RIPOR2: variants seen among roughly 807,000 people sequenced by gnomAD.
RIPOR2 encodes RHO family interacting cell polarization regulator 2.
RIPOR2 carries 39 observed loss-of-function variants against 114.5 expected under a neutral mutation model. The observed-to-expected ratio is 0.34, with a 90% confidence interval of 0.26 to 0.44. The LOEUF is 0.44. RIPOR2 is among the 20% of genes least tolerant of loss of function. The probability of loss-of-function intolerance (pLI) is 1.00; values close to 1 mark genes in which losing one functional copy is unlikely to be tolerated. For missense variants in RIPOR2, 1,007 were observed against 1,255.1 expected, an observed-to-expected ratio of 0.80 and a Z score of 2.99; for synonymous variants, 445 against 484.4, an observed-to-expected ratio of 0.92 and a Z score of 1.07.
intron 1 of RIPOR2, among the ~76,000 whole-genome samples, chr6:24,950,814 G>A (rs572439510): frequency 6.6e-6 from 1 of 152,346 alleles, no homozygotes; most frequent in Admixed American, 6.5e-5. Context: ...GGGGTTGGGT[G>A]CATAGGGTTT....
chr6:24,846,359 T>C (rs1346310670), intron 12 of RIPOR2, among the ~76,000 whole-genome samples: 1 of 142,196 alleles, frequency 7.0e-6, no homozygotes, highest in Non-Finnish European at 1.5e-5. Context: ...CAGACTGGAC[T>C]GCAGTGGTGC....
intron 1 of RIPOR2, among the ~76,000 whole-genome samples, chr6:24,923,539 C>G (rs1186047692): frequency 1.3e-5 from 2 of 152,038 alleles, no homozygotes; most frequent in Non-Finnish European, 1.5e-5. Flanking sequence ...TTTTCTCCCC[C>G]ACAGCAAGTT....
At chr6:25,003,196 C>G (rs925702066) in intron 1 of RIPOR2, among the ~76,000 whole-genome samples, 3 of 152,082 alleles carry the variant, frequency 2.0e-5, no homozygotes, top group African/African-American at 7.2e-5. Context: ...TCTAAGTAAC[C>G]TTTCTCAGAG....
At chr6:25,033,145 A>T (rs1371987202) in intron 1 of RIPOR2, among the ~76,000 whole-genome samples, 2 of 152,086 alleles carry the variant, frequency 1.3e-5, no homozygotes, top group African/African-American at 4.8e-5. Context: ...TCGAGGCTGC[A>T]GTGAGGCTCC....
In RIPOR2 at chr6:24,879,121, C is replaced by T. The variant is rs1215766193; in HGVS notation, c.62-3304G>A. Among the ~76,000 whole-genome samples, 4 of 142,474 alleles carry T rather than the reference C, an allele frequency of 2.8e-5. 1 individual carries two copies. The highest frequency in any genetic ancestry group is 7.0e-5 in the Admixed American group (1 of 14,204). 93.5% of individuals were successfully genotyped at this position (142,474 alleles called of 152,430 possible). On this transcript the variant is annotated intron_variant, in intron 1 of 21. Coordinates refer to ENST00000643898, the MANE Select transcript of RIPOR2 (RefSeq NM_001286445.3). ...TTGGGAGGCCGAGGCAGGTGGATCA[C>T]CTGAGATCAGGAGTTTGAGACCAGC...
rs1766547764 is a variant in RIPOR2, at chr6:24,883,643, C to T, written c.62-7826G>A. ...CAATAAAGCTGTTTAAAAAAAATCA[C>T]TACCAATTTCTAGAAAAAGTCATCA... On this transcript the variant is annotated intron_variant, in intron 1 of 21. Transcript: ENST00000643898. The surrounding 1 kb of genome is among the most constrained non-coding windows in gnomAD (Gnocchi z 4.1). Among the ~76,000 whole-genome samples, 1 of 152,164 alleles carries T rather than the reference C, an allele frequency of 6.6e-6. No individual in the cohort carries two copies. Among genetic ancestry groups the T allele is most frequent in the African/African-American group, 2.4e-5 (1 of 41,424 alleles).
chr6:24,986,062 C>T (rs1774516067), intron 1 of RIPOR2, among the ~76,000 whole-genome samples: 1 of 152,188 alleles, frequency 6.6e-6, no homozygotes, highest in East Asian at 1.9e-4. Context: ...ACTTCTTCCA[C>T]AGAATTCTCT....
chr6:24,926,289 C>T (rs1375883557), intron 1 of RIPOR2, among the ~76,000 whole-genome samples: 1 of 152,150 alleles, frequency 6.6e-6, no homozygotes, highest in Non-Finnish European at 1.5e-5. Flanking sequence ...ATAGGTCCTG[C>T]ATACTGTTAA....
At chr6:24,948,411 G>T (rs771090705) in intron 1 of RIPOR2, 18 of 152,280 alleles carry the variant, frequency 1.2e-4, no homozygotes, top group Non-Finnish European at 2.5e-4. Context: ...ACTATGAAGA[G>T]AACCTCTGAG....
At chr6:24,849,236 C>T (rs1762615736) in intron 11 of RIPOR2, among the ~76,000 whole-genome samples, 2 of 152,180 alleles carry the variant, frequency 1.3e-5, no homozygotes, top group South Asian at 2.1e-4. Flanking sequence ...CATGACCTTT[C>T]TCACCGGGTG....
chr6:25,000,280 C>T (rs569601612), intron 1 of RIPOR2, among the ~76,000 whole-genome samples: 3 of 152,308 alleles, frequency 2.0e-5, no homozygotes, highest in African/African-American at 7.2e-5. Context: ...TTCATGTTAG[C>T]TCTGTAGCAC....
intron 1 of RIPOR2, among the ~76,000 whole-genome samples, chr6:24,968,146 T>C (rs1025014571): frequency 6.6e-6 from 1 of 152,142 alleles, no homozygotes; most frequent in African/African-American, 2.4e-5. Context: ...CCTCAGATGA[T>C]CTGCCCGCCT....
At chr6:24,863,622 G>T (rs937523873) in intron 7 of RIPOR2, among the ~76,000 whole-genome samples, 1 of 152,198 alleles carries the variant, frequency 6.6e-6, no homozygotes, top group Non-Finnish European at 1.5e-5. Flanking sequence ...AGGGTGGGAA[G>T]AGTCAGATCT....
chr6:25,005,738 T>TACACATAC (rs1554130559), intron 1 of RIPOR2, among the ~76,000 whole-genome samples: 13 of 70,700 alleles, frequency 1.8e-4, no homozygotes, highest in Admixed American at 8.0e-4. Context: ...TATATATATA[T>TACACATAC]ATACATTTAC....
intron 1 of RIPOR2, among the ~76,000 whole-genome samples, chr6:24,986,147 G>A (rs112671686): frequency 2.0e-5 from 3 of 152,302 alleles, no homozygotes; most frequent in African/African-American, 7.2e-5. Context: ...ACTGGGCCCT[G>A]TTTTAAGGCT....
chr6:24,830,758 C>G, intron 16 of RIPOR2, 88 bp from the exon 17 acceptor site: 1 of 1,356,550 alleles, frequency 7.4e-7, no homozygotes, highest in South Asian at 1.5e-5. Context: ...CTTTGTTACC[C>G]AGGCTGGAGT....
chr6:24,958,384 G>T lies in RIPOR2; in HGVS notation c.77-82567C>A, dbSNP rs7774462. ...GATCTATTTTTAGCCTTCTCACAAA[G>T]GCAACCTAAATTTAAAATGGAAGTT... On this transcript the variant is annotated intron_variant, in intron 1 of 13. Coordinates refer to the RIPOR2 transcript ENST00000510784. Among the ~76,000 whole-genome samples, 3 of 151,754 alleles carry T rather than the reference G, an allele frequency of 2.0e-5. No individual in the cohort carries two copies. In the East Asian group the frequency reaches 5.8e-4, roughly 29 times the overall value.
chr6:24,889,173 C>T (rs952944039), intron 1 of RIPOR2, among the ~76,000 whole-genome samples: 6 of 152,106 alleles, frequency 3.9e-5, no homozygotes, highest in Non-Finnish European at 7.4e-5. Context: ...GTTGGAACAC[C>T]TGGACTGCTT....
rs75652697 is a variant in RIPOR2, at chr6:24,919,937, C to T, written c.61+15901G>A. ...AATACAAATATTGGACTGGTGATTT[C>T]GGTGTTTGGAGAGTTATTGGTGTTG... On this transcript the variant is annotated intron_variant, in intron 1 of 21. Transcript: ENST00000643898. Among the ~76,000 whole-genome samples the T allele has an allele frequency of 7.1e-3, 1,076 of 152,134 alleles. 10 individuals are homozygous for T. Among genetic ancestry groups the T allele is most frequent in the African/African-American group, 0.023 (961 of 41,496 alleles).
Sources: allele counts gnomAD v4.1 joint callset (sites outside exome capture counted in the v4.1 genomes callset), GRCh38; gene constraint gnomAD v4.1.1; non-coding constraint Gnocchi (gnomAD v3.1); transcripts MANE v1.5; gene names NCBI Gene and HGNC (gene_info 2026-07-23, HGNC 2026-07-21).